Variants in CNTN3 observed in about 807,000 individuals in gnomAD.
CNTN3 encodes the protein contactin 3.
Under a neutral mutation model 119.1 loss-of-function variants are expected in CNTN3, and 60 were observed. The ratio of observed to expected loss-of-function variants is 0.50; its 90% CI spans 0.41 to 0.62. The LOEUF (loss-of-function observed/expected upper bound fraction) is 0.62. CNTN3 is among the 20% of genes least tolerant of loss of function. The pLI, the probability that CNTN3 is intolerant of heterozygous loss-of-function variation, is 0.00. For synonymous variants in CNTN3, 450 were observed against 438.7 expected, an observed-to-expected ratio of 1.03 and a Z score of -0.32; for missense variants, 1,101 against 1,242.4, an observed-to-expected ratio of 0.89 and a Z score of 1.71.
chr3:74,283,873 T>C (rs1299005500), intron 20 of CNTN3, among the ~76,000 whole-genome samples: 2 of 152,160 alleles, frequency 1.3e-5, no homozygotes. Context: ...CCAAGTGGTA[T>C]GAAAAACAGG....
At chr3:74,546,337 TTGAG>T (rs1267849975) in intron 1 of CNTN3, among the ~76,000 whole-genome samples, 1 of 152,158 alleles carries the variant, frequency 6.6e-6, no homozygotes, top group Non-Finnish European at 1.5e-5. Flanking sequence ...ATGGTTAATA[TTGAG>T]TGTCAACTTG....
intron 9 of CNTN3, among the ~76,000 whole-genome samples, chr3:74,365,167 G>A (rs549801386): frequency 2.3e-4 from 35 of 152,116 alleles, no homozygotes; most frequent in African/African-American, 7.9e-4. Context: ...GAGAAAATAA[G>A]TACTTACATA....
At chr3:74,466,463 T>C (rs1702462230) in intron 4 of CNTN3, among the ~76,000 whole-genome samples, 1 of 152,182 alleles carries the variant, frequency 6.6e-6, no homozygotes, top group Non-Finnish European at 1.5e-5. Context: ...CCAACTATTA[T>C]GCTGAAAGTA....
At chr3:74,270,156 T>C (rs1457447454) in intron 20 of CNTN3, among the ~76,000 whole-genome samples, 2 of 152,178 alleles carry the variant, frequency 1.3e-5, no homozygotes, top group East Asian at 3.9e-4. Flanking sequence ...TCACTGATGT[T>C]GGCGTTGGCT....
At chr3:74,381,877 C>A (rs995167220) in intron 5 of CNTN3, among the ~76,000 whole-genome samples, 11 of 152,080 alleles carry the variant, frequency 7.2e-5, no homozygotes, top group Admixed American at 6.6e-5. Flanking sequence ...AGTGAAAATT[C>A]TCATTTGTTT....
In CNTN3 at chr3:74,336,678, G is replaced by A. The variant is rs1452533723; in HGVS notation, c.1365-20C>T. The A allele has an allele frequency of 6.4e-7, 1 of 1,571,352 alleles. No individual in the cohort carries two copies. Among genetic ancestry groups the A allele is most frequent in the Admixed American group, 1.7e-5 (1 of 57,418 alleles). Reference sequence around the variant, plus strand: ...GAAATTCTAAAGCAAAGACAAATAAGATAAATAAATATATAATAGCCATTT... The same window carrying A: ...GAAATTCTAAAGCAAAGACAAATAAAATAAATAAATATATAATAGCCATTT... On this transcript the variant is annotated intron_variant, in intron 11 of 22. Coordinates refer to ENST00000263665, the MANE Select transcript of CNTN3 (RefSeq NM_020872.3).
At chr3:74,466,949 T>C (rs1419577042) in intron 4 of CNTN3, among the ~76,000 whole-genome samples, 1 of 152,274 alleles carries the variant, frequency 6.6e-6, no homozygotes, top group South Asian at 2.1e-4. Context: ...AACTGATTAG[T>C]GTTCTCTATG....
In CNTN3 at chr3:74,285,369, C is replaced by T. The variant is rs2106781955; in HGVS notation, c.2640G>A (p.Arg880=). ...KSNLAYYTAV[R]AYNSAGAGPF... The stretch of plus-strand genomic sequence containing the variant: ...GCCCAGCGCCGGCACTGTTGTAAGC[C>T]CGGACAGCCGTGTAATAGGCCAGGT... Residue 880 remains arginine (R), a synonymous_variant, in exon 20 of 23, where the codon CGG becomes CGA. Transcript: ENST00000263665. 3 of 1,613,450 alleles carry T rather than the reference C, an allele frequency of 1.9e-6. No individual in the cohort carries two copies. The highest frequency in any genetic ancestry group is 2.5e-6 in the Non-Finnish European group (3 of 1,179,700).
intron 5 of CNTN3, among the ~76,000 whole-genome samples, chr3:74,400,183 A>G (rs1246948720): frequency 1.3e-5 from 2 of 152,194 alleles, no homozygotes; most frequent in African/African-American, 4.8e-5. Flanking sequence ...AACTTTACAC[A>G]AAGAAAAAAA....
chr3:74,364,903 A>G (rs756778382), intron 9 of CNTN3, among the ~76,000 whole-genome samples: 1 of 152,176 alleles, frequency 6.6e-6, no homozygotes, highest in African/African-American at 2.4e-5. Flanking sequence ...TTAAAAAGGT[A>G]CCGTGACTTT....
chr3:74,396,380 G>A (rs1021808508), intron 5 of CNTN3, among the ~76,000 whole-genome samples: 2 of 152,196 alleles, frequency 1.3e-5, no homozygotes, highest in Non-Finnish European at 2.9e-5. Context: ...ACAGCCTTTT[G>A]CTGATTTAGA....
At chr3:74,334,644 A>T in intron 13 of CNTN3, 91 bp downstream of exon 13, 1 of 1,142,506 alleles carries the variant, frequency 8.8e-7, no homozygotes, top group Non-Finnish European at 1.2e-6. Flanking sequence ...AAACATTTCT[A>T]GAGCATTGTC....
chr3:74,297,463 T>C (rs1702363784), intron 18 of CNTN3, among the ~76,000 whole-genome samples: 1 of 151,942 alleles, frequency 6.6e-6, no homozygotes, highest in Non-Finnish European at 1.5e-5. Context: ...CTTTAATATT[T>C]AGAGTGGGCT....
At chr3:74,510,611 C>T (rs1406511836) in intron 2 of CNTN3, among the ~76,000 whole-genome samples, 2 of 151,904 alleles carry the variant, frequency 1.3e-5, no homozygotes, top group Admixed American at 1.3e-4. Context: ...AACAAAAATG[C>T]TGAGTTCTGC....
At chr3:74,587,231 TC>T (rs1704608909) in intron 1 of CNTN3, among the ~76,000 whole-genome samples, 1 of 151,974 alleles carries the variant, frequency 6.6e-6, no homozygotes, top group African/African-American at 2.4e-5. Flanking sequence ...CCAATTGAGT[TC>T]AACATCAGGG....
chr3:74,481,480 T>C lies in CNTN3; in HGVS notation c.358+4976A>G, dbSNP rs530044109. On this transcript the variant is annotated intron_variant, in intron 4 of 22. Transcript: ENST00000263665. Reference sequence around the variant, plus strand: ...GTAAAACTCCACATGTTTGGAAATTTAAAATACATGTCACGTCTGATAACT... The same window carrying C: ...GTAAAACTCCACATGTTTGGAAATTCAAAATACATGTCACGTCTGATAACT... 2.0e-5 allele frequency among the ~76,000 whole-genome samples: 3 copies of C among 151,844 alleles called. No individual in the cohort carries two copies. The South Asian group carries it at 6.2e-4, about 31-fold the overall frequency.
At chr3:74,362,423 A>G (rs1206774730) in intron 10 of CNTN3, among the ~76,000 whole-genome samples, 1 of 152,220 alleles carries the variant, frequency 6.6e-6, no homozygotes, top group African/African-American at 2.4e-5. Flanking sequence ...CTAGCATTCA[A>G]CAAAGCTCAG....
intron 11 of CNTN3, among the ~76,000 whole-genome samples, chr3:74,351,373 C>T (rs1470572008): frequency 2.0e-5 from 3 of 152,080 alleles, no homozygotes; most frequent in Non-Finnish European, 4.4e-5. Context: ...GTGTGTGCCA[C>T]ACAAATGCCA....
At chr3:74,519,618 A>G (rs1161542918) in intron 2 of CNTN3, among the ~76,000 whole-genome samples, 1 of 151,752 alleles carries the variant, frequency 6.6e-6, no homozygotes, top group Non-Finnish European at 1.5e-5. Context: ...ATACTGCTGC[A>G]GTACATTTTG....
Sources: gnomAD v4.1 joint callset for allele counts (sites outside exome capture counted in the v4.1 genomes callset) on GRCh38, gnomAD v4.1.1 for gene constraint, MANE v1.5 for transcripts, NCBI Gene and HGNC (gene_info 2026-07-23, HGNC 2026-07-21) for gene names.